The following GALNT10 variants were observed in gnomAD, a reference collection of about 807,000 sequenced individuals.
The protein encoded by GALNT10 is GalNAc transferase 10.
A neutral mutation model predicts 75.0 loss-of-function variants in GALNT10; 41 were observed. The ratio of observed to expected loss-of-function variants is 0.55; its 90% CI spans 0.43 to 0.71. The LOEUF is 0.71. GALNT10 is among the 30% of genes least tolerant of loss of function. The probability of loss-of-function intolerance (pLI) is 0.00; values close to 1 mark genes in which losing one functional copy is unlikely to be tolerated. For missense variants in GALNT10, 727 were observed against 818.5 expected, an observed-to-expected ratio of 0.89 and a Z score of 1.36; for synonymous variants, 302 against 313.0, an observed-to-expected ratio of 0.96 and a Z score of 0.37.
At chr5:154,301,418 G>T (rs2113082964) in intron 3 of GALNT10, among the ~76,000 whole-genome samples, 1 of 151,808 alleles carries the variant, frequency 6.6e-6, no homozygotes, top group African/African-American at 2.4e-5. Context: ...GCTATATAAT[G>T]ATTGTATATA....
intron 7 of GALNT10, chr5:154,388,285 G>A (rs6871105): frequency 0.36 from 54,252 of 151,988 alleles, 10,647 homozygotes; most frequent in African/African-American, 0.52. Context: ...TAAGGGTAAT[G>A]TTCAAAATAT....
intron 1 of GALNT10, among the ~76,000 whole-genome samples, chr5:154,275,419 G>A (rs770026597): frequency 1.3e-5 from 2 of 152,196 alleles, no homozygotes; most frequent in Non-Finnish European, 2.9e-5. Flanking sequence ...TAGACATAGA[G>A]CAGTTCACAT....
chr5:154,335,217 T>G (rs1313140575), intron 4 of GALNT10, among the ~76,000 whole-genome samples: 5 of 152,242 alleles, frequency 3.3e-5, no homozygotes, highest in Admixed American at 2.6e-4. Context: ...TTCATATTCA[T>G]GTATTCAGCA....
rs1286523769 is a variant in GALNT10, at chr5:154,419,779, A to C, written c.*2807A>C. ...TTTTTGAAAACCACCTGTCTCAAGG[A>C]TTCAGGTTTCTGCTCACATCCCCAG... is the stretch of plus-strand genomic sequence containing the variant. On this transcript the variant is annotated 3_prime_UTR_variant, in exon 12 of 12. Coordinates refer to ENST00000297107, the MANE Select transcript of GALNT10 (RefSeq NM_198321.4). 6.6e-6 allele frequency: 1 copy of C among 152,228 alleles called. No individual in the cohort carries two copies. The highest frequency in any genetic ancestry group is 1.5e-5 in the Non-Finnish European group (1 of 68,058). 9.4% of individuals were successfully genotyped at this position (152,228 alleles called of 1,614,324 possible). A position where few individuals can be genotyped will look rare whatever the true frequency, so the allele number is the denominator to read the frequency against.
At chr5:154,195,494 C>T (rs1188828098) in intron 1 of GALNT10, among the ~76,000 whole-genome samples, 3 of 152,218 alleles carry the variant, frequency 2.0e-5, no homozygotes, top group Non-Finnish European at 4.4e-5. Context: ...GGTAGGAACA[C>T]ATCCTCCTCT....
At chr5:154,236,318 A>G (rs1561636927) in intron 1 of GALNT10, among the ~76,000 whole-genome samples, 1 of 152,234 alleles carries the variant, frequency 6.6e-6, no homozygotes, top group Non-Finnish European at 1.5e-5. Context: ...TGCCCAGCTC[A>G]GTGCCTGACC....
chr5:154,403,285 G>A (rs1466021454), intron 7 of GALNT10, among the ~76,000 whole-genome samples: 2 of 152,172 alleles, frequency 1.3e-5, no homozygotes, highest in Non-Finnish European at 2.9e-5. Flanking sequence ...GAGGGTCTAT[G>A]TAGGCTGGGC....
At chr5:154,201,658 T>A (rs1024132829) in intron 1 of GALNT10, among the ~76,000 whole-genome samples, 4 of 152,088 alleles carry the variant, frequency 2.6e-5, no homozygotes, top group African/African-American at 9.7e-5. Context: ...AGGCCAGGCG[T>A]GGTGGCTCTC....
chr5:154,205,838 A>C (rs545594952), intron 1 of GALNT10, among the ~76,000 whole-genome samples: 2 of 152,302 alleles, frequency 1.3e-5, no homozygotes, highest in African/African-American at 4.8e-5. Flanking sequence ...AGGAGGAAGG[A>C]AGCATCTCCC....
chr5:154,272,346 GTGCCAC>G (rs1284370090), intron 1 of GALNT10, among the ~76,000 whole-genome samples: 1 of 152,176 alleles, frequency 6.6e-6, no homozygotes, highest in Non-Finnish European at 1.5e-5. Context: ...CAGGGAGTCT[GTGCCAC>G]TGCTGACAAG....
intron 4 of GALNT10, among the ~76,000 whole-genome samples, chr5:154,363,761 A>G (rs1201106365): frequency 6.6e-6 from 1 of 152,106 alleles, no homozygotes; most frequent in African/African-American, 2.4e-5. Flanking sequence ...AGATGATAGC[A>G]TTTGCTTCCT....
At chr5:154,396,620 C>T (rs907626135) in intron 7 of GALNT10, among the ~76,000 whole-genome samples, 3 of 152,144 alleles carry the variant, frequency 2.0e-5, no homozygotes, top group African/African-American at 7.2e-5. Flanking sequence ...AATTAAACCT[C>T]GGTTTCCTCA....
At chr5:154,399,109 C>G (rs902850064) in intron 7 of GALNT10, among the ~76,000 whole-genome samples, 1 of 152,162 alleles carries the variant, frequency 6.6e-6, no homozygotes, top group African/African-American at 2.4e-5. Flanking sequence ...CAATGACCTG[C>G]AGGAGGTCAC....
At chr5:154,250,691 C>T (rs1383028614) in intron 1 of GALNT10, among the ~76,000 whole-genome samples, 3 of 152,144 alleles carry the variant, frequency 2.0e-5, no homozygotes, top group African/African-American at 7.2e-5. Context: ...ACCAGAGTCG[C>T]TCAATCTAGG....
chr5:154,191,906 C>T (rs1052888322), intron 1 of GALNT10, among the ~76,000 whole-genome samples: 1 of 152,226 alleles, frequency 6.6e-6, no homozygotes, highest in Non-Finnish European at 1.5e-5. Flanking sequence ...AACTTACCCA[C>T]GTATGTTTGT....
chr5:154,252,822 C>T (rs1170319359), intron 1 of GALNT10, among the ~76,000 whole-genome samples: 3 of 151,754 alleles, frequency 2.0e-5, no homozygotes, highest in Non-Finnish European at 2.9e-5. Flanking sequence ...TATTCAGGGG[C>T]TCATCTTATC....
chr5:154,197,837 C>T (rs375884909), intron 1 of GALNT10, among the ~76,000 whole-genome samples: 2 of 152,138 alleles, frequency 1.3e-5, no homozygotes, highest in Non-Finnish European at 2.9e-5. Flanking sequence ...AACTGAAGCT[C>T]GAAGAGGGGC....
intron 4 of GALNT10, chr5:154,356,344 G>A: frequency 7.5e-6 from 3 of 397,938 alleles, no homozygotes; most frequent in Non-Finnish European, 1.5e-5. Context: ...AAAGCAAGGA[G>A]ACAGTGAAGC....
chr5:154,347,216 A>G (rs1341797505), intron 4 of GALNT10: 2 of 476,592 alleles, frequency 4.2e-6, no homozygotes, highest in Non-Finnish European at 4.1e-6. Flanking sequence ...CACAGGACTC[A>G]GTGAGGTGAA....
Sources: gnomAD v4.1 joint callset for allele counts (sites outside exome capture counted in the v4.1 genomes callset) on GRCh38, gnomAD v4.1.1 for gene constraint, MANE v1.5 for transcripts, NCBI Gene and HGNC (gene_info 2026-07-23, HGNC 2026-07-21) for gene names.